The following SVOP variants were observed in gnomAD, a reference collection of about 807,000 sequenced individuals.
The protein encoded by SVOP is SV2 related protein.
A neutral mutation model predicts 69.1 loss-of-function variants in SVOP; 17 were observed. That is an observed-to-expected ratio of 0.25 (90% CI 0.17 to 0.37). The LOEUF (loss-of-function observed/expected upper bound fraction) is 0.37, where lower values mean the gene tolerates loss of function less well. Ranked by LOEUF, SVOP falls within the 10% of genes least tolerant of loss-of-function variation. SVOP has a pLI of 1.00. For missense variants in SVOP, 435 were observed against 597.5 expected, an observed-to-expected ratio of 0.73 and a Z score of 2.84; for synonymous variants, 238 against 238.6, an observed-to-expected ratio of 1.00 and a Z score of 0.02.
In SVOP at chr12:108,940,712, C is replaced by T. The variant is rs964684340; in HGVS notation, c.768+72G>A. The T allele has an allele frequency of 4.0e-6, 6 of 1,509,776 alleles. No individual in the cohort carries two copies. In the African/African-American group the frequency reaches 4.1e-5, roughly 10 times the overall value. The allele number at this position is 1,509,776 out of a possible 1,614,324, so 93.5% of individuals were successfully genotyped here. On this transcript the variant is annotated intron_variant, in intron 8 of 15. Transcript: ENST00000610966. Reference sequence around the variant, plus strand: ...GTGGCTTTGGTATCCTTCCCTATCCCCTCCCCACCAAAATAGAGTGGACAG... The same window carrying T: ...GTGGCTTTGGTATCCTTCCCTATCCTCTCCCCACCAAAATAGAGTGGACAG...
chr12:108,928,897 T>A (rs2039799030), intron 11 of SVOP, among the ~76,000 whole-genome samples: 1 of 152,144 alleles, frequency 6.6e-6, no homozygotes, highest in Admixed American at 6.6e-5. Context: ...AAGCAAATCA[T>A]AAAACCCTCA....
chr12:108,969,709 C>T (rs2040067454), intron 5 of SVOP, among the ~76,000 whole-genome samples: 1 of 51,264 alleles, frequency 2.0e-5, no homozygotes, highest in African/African-American at 5.8e-5. Context: ...TTCCCTCCTC[C>T]TTTTTTTTCC....
chr12:108,972,594 CT>C (rs1416862690), intron 4 of SVOP, 118 bp from the exon 5 acceptor site: 1 of 1,050,056 alleles, frequency 9.5e-7, no homozygotes, highest in Non-Finnish European at 1.4e-6. Flanking sequence ...CTAACATTCA[CT>C]GAGAGCCTGC....
At chr12:108,933,698 T>A (rs150023103) in intron 11 of SVOP, among the ~76,000 whole-genome samples, 2,203 of 146,938 alleles carry the variant, frequency 0.015, 21 homozygotes, top group South Asian at 0.031. Flanking sequence ...AATAAAAAAA[T>A]AATAATAATA....
chr12:108,998,448 G>A (rs572915706), intron 1 of SVOP, among the ~76,000 whole-genome samples: 14 of 151,970 alleles, frequency 9.2e-5, no homozygotes, highest in Non-Finnish European at 1.8e-4. Flanking sequence ...TCAGATTCAG[G>A]AAATACAGAG....
chr12:108,950,590 C>T (rs1051537303), intron 6 of SVOP, among the ~76,000 whole-genome samples: 1 of 151,918 alleles, frequency 6.6e-6, no homozygotes, highest in Non-Finnish European at 1.5e-5. Context: ...ACCATGTTGC[C>T]CAGGCTGGTC....
intron 2 of SVOP, among the ~76,000 whole-genome samples, chr12:108,981,365 CCT>C (rs1343465395): frequency 1.3e-5 from 2 of 152,182 alleles, no homozygotes; most frequent in African/African-American, 4.8e-5. Flanking sequence ...CCCTCCATCC[CCT>C]GTCATTGCCA....
At chr12:109,019,416 T>C (rs2040384370) in intron 1 of SVOP, among the ~76,000 whole-genome samples, 1 of 152,214 alleles carries the variant, frequency 6.6e-6, no homozygotes. Flanking sequence ...TCCTCTGACA[T>C]TATTGAAAAA....
intron 4 of SVOP, among the ~76,000 whole-genome samples, chr12:108,973,885 G>A (rs2040092787): frequency 6.6e-6 from 1 of 152,214 alleles, no homozygotes; most frequent in South Asian, 2.1e-4. Flanking sequence ...TGCCTCAGAA[G>A]GGGCACTGAT....
chr12:108,995,374 G>A (rs1278421079), intron 1 of SVOP, among the ~76,000 whole-genome samples: 3 of 152,272 alleles, frequency 2.0e-5, no homozygotes, highest in Middle Eastern at 3.4e-3. Context: ...AAGATATTAT[G>A]CGGAGTGAAG....
At chr12:108,934,933 C>T (rs1384081165) in intron 10 of SVOP, among the ~76,000 whole-genome samples, 1 of 152,200 alleles carries the variant, frequency 6.6e-6, no homozygotes, top group Non-Finnish European at 1.5e-5. Flanking sequence ...TCTTTTATTC[C>T]TTTACTTTCT....
chr12:108,965,614 A>C (rs2040040643), intron 5 of SVOP, among the ~76,000 whole-genome samples: 1 of 148,542 alleles, frequency 6.7e-6, no homozygotes, highest in Non-Finnish European at 1.5e-5. Context: ...TCAAAATCCT[A>C]TAAAACATTG....
At chr12:108,917,152 A>G (rs1031853075) in intron 14 of SVOP, among the ~76,000 whole-genome samples, 1 of 152,252 alleles carries the variant, frequency 6.6e-6, no homozygotes, top group Non-Finnish European at 1.5e-5. Context: ...TGCTCAGTGT[A>G]GAAAGCTTGC....
chr12:108,982,789 T>C (rs1472538323), intron 2 of SVOP, among the ~76,000 whole-genome samples: 579 of 30,234 alleles, frequency 0.019, no homozygotes, highest in Middle Eastern at 0.033. Context: ...TCATCATCAC[T>C]ATCATCATCA....
intron 13 of SVOP, among the ~76,000 whole-genome samples, chr12:108,919,024 A>G (rs1216204771): frequency 8.6e-6 from 1 of 115,624 alleles, no homozygotes; most frequent in Non-Finnish European, 1.8e-5. Context: ...TTGTACCCAC[A>G]CTTGGGCCAA....
At position 108,983,064 on chromosome 12, in the gene SVOP, C is replaced by T. The variant is rs1049390236; in HGVS notation, c.196+537G>A. Among the ~76,000 whole-genome samples, 128 of 146,588 alleles carry T rather than the reference C, an allele frequency of 8.7e-4. 2 individuals carry two copies. Among genetic ancestry groups the T allele is most frequent in the African/African-American group, 3.2e-3 (126 of 39,436 alleles). ...ATCATCACCACCATCATCACCATCA[C>T]CATCATCACCATCATCATGATCACC... On this transcript the variant is annotated intron_variant, in intron 2 of 15. Transcript: ENST00000610966.
At chr12:109,010,143 A>AAT (rs2040332610) in intron 1 of SVOP, among the ~76,000 whole-genome samples, 3 of 149,560 alleles carry the variant, frequency 2.0e-5, no homozygotes, top group Admixed American at 1.3e-4. Context: ...AAAAAAAAAA[A>AAT]TTTTTTTTTA....
Position 108,912,354 on chromosome 12 carries a change from C to T in SVOP, c.*181G>A. 6.9e-7 allele frequency: 1 copy of T among 1,458,384 alleles called. No individual in the cohort carries two copies. Among genetic ancestry groups the T allele is most frequent in the Non-Finnish European group, 9.0e-7 (1 of 1,111,334 alleles). 90.3% of individuals were successfully genotyped at this position (1,458,384 alleles called of 1,614,324 possible). A position where few individuals can be genotyped will look rare whatever the true frequency, so the allele number is the denominator to read the frequency against. On this transcript the variant is annotated 3_prime_UTR_variant, in exon 16 of 16. Coordinates refer to ENST00000610966, the MANE Select transcript of SVOP (RefSeq NM_018711.5). Reference sequence around the variant, plus strand: ...GAACCCCCTAGAGCAAACATCTCCCCATCCCTGGGTGGACCTCAATGAAGA... The same window carrying T: ...GAACCCCCTAGAGCAAACATCTCCCTATCCCTGGGTGGACCTCAATGAAGA...
intron 14 of SVOP, among the ~76,000 whole-genome samples, chr12:108,917,559 A>G (rs2039721520): frequency 5.2e-5 from 3 of 57,542 alleles, no homozygotes; most frequent in Non-Finnish European, 1.2e-4. Context: ...ATGGTATCAT[A>G]TCATACATAT....
Sources: allele counts gnomAD v4.1 joint callset (sites outside exome capture counted in the v4.1 genomes callset), GRCh38; gene constraint gnomAD v4.1.1; transcripts MANE v1.5; gene names NCBI Gene and HGNC (gene_info 2026-07-23, HGNC 2026-07-21).